The following AMELX variants were observed in gnomAD, a reference collection of about 807,000 sequenced individuals.
AMELX encodes the protein amelogenin, X isoform.
Under a neutral mutation model 15.8 loss-of-function variants are expected in AMELX, and 9 were observed. The observed-to-expected ratio is 0.57, with a 90% CI of 0.34 to 0.99. AMELX has a LOEUF of 0.99. AMELX is among the 50% of genes least tolerant of loss of function. AMELX has a pLI of 0.02. For missense variants in AMELX, 107 were observed against 156.2 expected, an observed-to-expected ratio of 0.68 and a Z score of 1.68; for synonymous variants, 61 against 58.8, an observed-to-expected ratio of 1.04 and a Z score of -0.17.
At chrX:11,303,160 C>T (rs2048191654), downstream of AMELX, among the ~76,000 whole-genome samples, 2 of 112,686 alleles carry the variant, frequency 1.8e-5, no homozygotes, top group Non-Finnish European at 3.7e-5. Context: ...CTCCACATTG[C>T]TTTAATAAAA....
chrX:11,306,978 A>G, the AMELX span, among the ~76,000 whole-genome samples: 29 of 111,882 alleles, frequency 2.6e-4, no homozygotes, highest in African/African-American at 9.4e-4. Flanking sequence ...CAACATTGCC[A>G]TGGCAACCAG....
At chrX:11,306,960 C>T in the AMELX span, among the ~76,000 whole-genome samples, 305 of 111,644 alleles carry the variant, frequency 2.7e-3, 1 homozygote, top group African/African-American at 9.1e-3. Context: ...GTATCCCCTA[C>T]GCTAGGACAA....
At chrX:11,301,250 G>A (rs1000530069), downstream of AMELX, among the ~76,000 whole-genome samples, 32 of 111,985 alleles carry the variant, frequency 2.9e-4, no homozygotes, top group Admixed American at 8.5e-4. Context: ...AGTTATTCAA[G>A]TAATTTGTTT....
downstream of AMELX, among the ~76,000 whole-genome samples, chrX:11,304,529 C>G (rs1192957725): frequency 1.8e-5 from 2 of 110,445 alleles, no homozygotes; most frequent in Admixed American, 9.6e-5. Context: ...CCAAGACAAG[C>G]CTTCATCCTC....
chrX:11,306,588 G>T, the AMELX span, among the ~76,000 whole-genome samples: 1 of 112,593 alleles, frequency 8.9e-6, no homozygotes, highest in Non-Finnish European at 1.9e-5. Flanking sequence ...ACAAATGAGG[G>T]TTTGAACTTT....
downstream of AMELX, among the ~76,000 whole-genome samples, chrX:11,304,096 C>CT (rs758946992): frequency 7.5e-4 from 78 of 104,316 alleles, no homozygotes; most frequent in East Asian, 2.4e-3. Context: ...TCACGTTTGT[C>CT]TTTTTTTTTT....
At chrX:11,294,334 AG>A (rs1364858386) in intron 1 of AMELX, among the ~76,000 whole-genome samples, 3 of 112,466 alleles carry the variant, frequency 2.7e-5, no homozygotes, top group African/African-American at 9.7e-5. Flanking sequence ...AGCAATGTCC[AG>A]GTAGACTGTG....
At chrX:11,298,033 T>C (rs1763851760) in intron 3 of AMELX, 4 of 1,014,751 alleles carry the variant, frequency 3.9e-6, no homozygotes, top group Non-Finnish European at 5.6e-6. Flanking sequence ...ATGTGTGTGA[T>C]GGATGTAAAC....
chrX:11,309,384 A>T, the AMELX span, among the ~76,000 whole-genome samples: 6 of 109,908 alleles, frequency 5.5e-5, no homozygotes, highest in African/African-American at 1.7e-4. Context: ...TCAAAGTGCT[A>T]GAGGAGCCGG....
downstream of AMELX, among the ~76,000 whole-genome samples, chrX:11,305,173 C>A (rs2048224780): frequency 9.0e-6 from 1 of 110,862 alleles, no homozygotes; most frequent in African/African-American, 3.3e-5. Context: ...TCTGGAGTCA[C>A]AACAGGGATC....
At chrX:11,296,933 C>T in intron 3 of AMELX, 107 bp downstream of exon 3, 2 of 1,027,842 alleles carry the variant, frequency 1.9e-6, no homozygotes, top group Non-Finnish European at 2.7e-6. Flanking sequence ...CTCAAGTGGT[C>T]CTGATTTTAC....
intron 2 of AMELX, among the ~76,000 whole-genome samples, chrX:11,296,092 G>A (rs1414514926): frequency 8.9e-6 from 1 of 112,116 alleles, no homozygotes; most frequent in Non-Finnish European, 1.9e-5. Context: ...CGGCCTAAAC[G>A]TCATAAATCA....
Position 11,296,783 on chromosome X carries a change from C to A in AMELX, c.59C>A (p.Pro20Gln), listed in dbSNP as rs1347436776. 1.2e-5 allele frequency: 14 copies of A among 1,207,861 alleles called. No homozygotes were observed. Among genetic ancestry groups the A allele is most frequent in the African/African-American group, 1.8e-5 (1 of 56,819 alleles). The change falls in exon 3 of 6, where the codon CCA becomes CAA. Residue 20 changes from proline to glutamine, a missense_variant. By Grantham distance (76) the Pro-to-Gln change is moderately conservative (BLOSUM62 -1). Coordinates refer to ENST00000380714, the MANE Select transcript of AMELX (RefSeq NM_001142.2). Reference protein sequence around the residue: ...LLGAAFAMPLPPHPGHPGYIN... With the variant: ...LLGAAFAMPLQPHPGHPGYIN... ...CTCCCCTCCTCCCTGTAAAAGCTAC[C>A]ACCTCATCCTGGGCACCCTGGTTAT... is the stretch of plus-strand genomic sequence containing the variant.
At position 11,298,930 on chromosome X, in the gene AMELX, T is replaced by C. The variant is rs2048131774; in HGVS notation, c.527T>C (p.Leu176Pro). Residue 176 changes from leucine (L) to proline (P), a missense_variant, in exon 5 of 6, where the codon CTG becomes CCG. Physicochemically the swap from Leu to Pro is moderately conservative, Grantham distance 98 (BLOSUM62 -3). Coordinates refer to ENST00000380714, the MANE Select transcript of AMELX (RefSeq NM_001142.2). ...PLPPMLPDLTLEAWPSTDKTK... is the reference protein window; with the variant it reads ...PLPPMLPDLTPEAWPSTDKTK... ...CCTCCCATGCTTCCTGATCTGACTCTGGAAGCTTGGCCATCAACAGACAAG... is the reference window on the plus strand; with the variant it reads ...CCTCCCATGCTTCCTGATCTGACTCCGGAAGCTTGGCCATCAACAGACAAG... 3.3e-6 allele frequency: 4 copies of C among 1,208,813 alleles called. No homozygotes were observed. The highest frequency in any genetic ancestry group is 3.4e-6 in the Non-Finnish European group (3 of 894,960).
At chrX:11,303,232 G>A (rs1399465362), downstream of AMELX, among the ~76,000 whole-genome samples, 1 of 112,567 alleles carries the variant, frequency 8.9e-6, no homozygotes, top group African/African-American at 3.2e-5. Flanking sequence ...TTATTTTTGT[G>A]ATTTGGCTTT....
At chrX:11,304,889 C>A (rs1361940806), downstream of AMELX, among the ~76,000 whole-genome samples, 5 of 99,958 alleles carry the variant, frequency 5.0e-5, no homozygotes, top group African/African-American at 1.9e-4. Flanking sequence ...CAAATTCAAG[C>A]GATTCCCCTG....
In AMELX at chrX:11,298,749, C is replaced by A; in HGVS notation, c.346C>A (p.Gln116Lys). The change falls in exon 5 of 6, where the codon CAG (glutamine) becomes AAG (lysine). Residue 116 changes from glutamine to lysine, a missense_variant. Physicochemically the swap from Gln to Lys is moderately conservative, Grantham distance 53. Transcript: ENST00000380714. ...CTCCATGACTCCAATCCAACACCACCAGCCAAACCTCCCTCCGCCCGCCCA... is the reference window on the plus strand; with the variant it reads ...CTCCATGACTCCAATCCAACACCACAAGCCAAACCTCCCTCCGCCCGCCCA... ...QHSMTPIQHH[Q>K]PNLPPPAQQP... 1 of 1,211,413 alleles carries A rather than the reference C, an allele frequency of 8.3e-7. No homozygotes were observed. Among genetic ancestry groups the A allele is most frequent in the Non-Finnish European group, 1.1e-6 (1 of 895,388 alleles).
chrX:11,306,684 C>T, the AMELX span, among the ~76,000 whole-genome samples: 1 of 112,231 alleles, frequency 8.9e-6, no homozygotes, highest in Non-Finnish European at 1.9e-5. Flanking sequence ...TAAACTAATT[C>T]GTCATCCGCC....
chrX:11,298,444 T>A, intron 4 of AMELX, 104 bp from the exon 5 acceptor site: 1 of 1,166,489 alleles, frequency 8.6e-7, no homozygotes, highest in Non-Finnish European at 1.2e-6. Flanking sequence ...AAAGGAAAAA[T>A]GAATAAAATA....
Sources: allele counts gnomAD v4.1 joint callset (sites outside exome capture counted in the v4.1 genomes callset), GRCh38; gene constraint gnomAD v4.1.1; transcripts MANE v1.5; gene names NCBI Gene and HGNC (gene_info 2026-07-23, HGNC 2026-07-21).